The following MBOAT1 variants were observed in gnomAD, a reference collection of about 807,000 sequenced individuals.
MBOAT1 encodes membrane bound glycerophospholipid O-acyltransferase 1.
A neutral mutation model predicts 64.4 loss-of-function variants in MBOAT1; 67 were observed. That is an observed-to-expected ratio of 1.04 (90% confidence interval 0.85 to 1.27). The LOEUF (loss-of-function observed/expected upper bound fraction) is 1.27. Ranked by LOEUF, MBOAT1 falls within the 50% of genes most tolerant of loss-of-function variation. The pLI, the probability that MBOAT1 is intolerant of heterozygous loss-of-function variation, is 0.00. For missense variants in MBOAT1, 563 were observed against 604.6 expected (o/e 0.93, Z 0.72); for synonymous variants, 229 against 218.9 (o/e 1.05, Z -0.41).
Position 20,124,346 on chromosome 6 carries a change from C to A in MBOAT1, c.907+62G>T, listed in dbSNP as rs1057280551. Reference sequence around the variant, plus strand: ...GAAGTGATCCAAAACGTCGTTCTGGCTAAGCCATTCAAGCAGTAGCATTTT... The same window carrying A: ...GAAGTGATCCAAAACGTCGTTCTGGATAAGCCATTCAAGCAGTAGCATTTT... On this transcript the variant is annotated intron_variant, in intron 8 of 12. Transcript: ENST00000324607. The A allele has an allele frequency of 5.2e-6, 8 of 1,542,258 alleles. No individual in the cohort carries two copies. In the Admixed American group the frequency reaches 9.2e-5, roughly 18 times the overall value.
chr6:20,175,864 A>C (rs543363148), intron 1 of MBOAT1, among the ~76,000 whole-genome samples: 2 of 152,226 alleles, frequency 1.3e-5, no homozygotes, highest in Admixed American at 1.3e-4. Flanking sequence ...TTGGCCTCCC[A>C]AAGTGCTAGG....
chr6:20,188,907 C>A (rs533211506), intron 1 of MBOAT1, among the ~76,000 whole-genome samples: 2 of 152,168 alleles, frequency 1.3e-5, no homozygotes, highest in African/African-American at 4.8e-5. Context: ...AGAACTCAAC[C>A]AAGGACCCAT....
rs143096757 is a variant in MBOAT1 at position 20,146,100 on chromosome 6, A to G, written c.324-1785T>C. 2.2e-4 allele frequency among the ~76,000 whole-genome samples: 33 copies of G among 152,362 alleles called. No homozygotes were observed. In the East Asian group the frequency reaches 6.2e-3, roughly 28 times the overall value. On this transcript the variant is annotated intron_variant, in intron 3 of 12. Coordinates refer to ENST00000324607, the MANE Select transcript of MBOAT1 (RefSeq NM_001080480.3). The stretch of plus-strand genomic sequence containing the variant: ...TGTTAGTTGAAATGAACTGAAATGA[A>G]TACATTACACATTTTAAGTGGTTCC...
At chr6:20,139,406 A>G (rs1295291604) in intron 4 of MBOAT1, among the ~76,000 whole-genome samples, 7 of 152,066 alleles carry the variant, frequency 4.6e-5, no homozygotes, top group African/African-American at 1.4e-4. Context: ...GCCCCGCCCA[A>G]TGTGACCTCA....
chr6:20,129,628 G>T (rs764759349), intron 5 of MBOAT1, among the ~76,000 whole-genome samples: 1 of 151,352 alleles, frequency 6.6e-6, no homozygotes, highest in Non-Finnish European at 1.5e-5. Flanking sequence ...ATGGTAAACT[G>T]AGAATGCTTT....
rs756639798 is a variant in MBOAT1, at chr6:20,152,821, T to G, written c.100-52A>C. 3.2e-6 allele frequency: 5 copies of G among 1,539,740 alleles called. No individual in the cohort carries two copies. The African/African-American group carries it at 4.6e-5, about 14-fold the overall frequency. On this transcript the variant is annotated intron_variant, in intron 1 of 12. Coordinates refer to ENST00000324607, the MANE Select transcript of MBOAT1 (RefSeq NM_001080480.3). ...ACCTTTGTGTGAATTTCGTCTTGGTTTTTTTGTTTGTTTTGTTTTGTTTTG... is the reference window on the plus strand; with the variant it reads ...ACCTTTGTGTGAATTTCGTCTTGGTGTTTTTGTTTGTTTTGTTTTGTTTTG...
At chr6:20,193,647 A>G (rs1228770952) in intron 1 of MBOAT1, among the ~76,000 whole-genome samples, 1 of 143,500 alleles carries the variant, frequency 7.0e-6, no homozygotes, top group Non-Finnish European at 1.5e-5. Context: ...TCGCTCTGTC[A>G]CCAGGCTGGA....
At chr6:20,133,202 C>T (rs1246398446) in intron 4 of MBOAT1, among the ~76,000 whole-genome samples, 3 of 152,088 alleles carry the variant, frequency 2.0e-5, no homozygotes, top group South Asian at 2.1e-4. Flanking sequence ...AAAGAGAACT[C>T]GGCTGTGAAA....
chr6:20,139,898 T>C (rs971036189), intron 4 of MBOAT1, among the ~76,000 whole-genome samples: 3 of 152,136 alleles, frequency 2.0e-5, no homozygotes, highest in African/African-American at 7.2e-5. Flanking sequence ...AGACATTCAT[T>C]CTGCAGTCTT....
Position 20,101,886 on chromosome 6 carries a change from C to T in MBOAT1, c.*400G>A, listed in dbSNP as rs867310227. Among the ~76,000 whole-genome samples, 2 of 151,974 alleles carry T rather than the reference C, an allele frequency of 1.3e-5. No individual in the cohort carries two copies. Among genetic ancestry groups the T allele is most frequent in the Admixed American group, 6.5e-5 (1 of 15,270 alleles). On this transcript the variant is annotated 3_prime_UTR_variant, in exon 13 of 13. Transcript: ENST00000324607. ...ATCCCAGCACTTTGGGAGGCCGAGG[C>T]GGGCGGATCACGAGGTCAGGAGATC...
intron 1 of MBOAT1, 153 bp downstream of exon 1, chr6:20,211,983 C>A (rs1763437987): frequency 1.3e-5 from 8 of 606,074 alleles, no homozygotes; most frequent in African/African-American, 3.8e-5. Context: ...CACACACACA[C>A]ACACACACAC....
chr6:20,163,101 A>G (rs1444760086), intron 1 of MBOAT1, among the ~76,000 whole-genome samples: 1 of 152,186 alleles, frequency 6.6e-6, no homozygotes, highest in Non-Finnish European at 1.5e-5. Context: ...GTGGAAAACG[A>G]TTGTGCTGTC....
At chr6:20,178,486 T>C (rs755402114) in intron 1 of MBOAT1, among the ~76,000 whole-genome samples, 16 of 152,184 alleles carry the variant, frequency 1.1e-4, no homozygotes, top group Admixed American at 6.6e-5. Context: ...TCCTCTAAGC[T>C]GTCCCACAGA....
At chr6:20,204,690 C>T (rs1228192918) in intron 1 of MBOAT1, among the ~76,000 whole-genome samples, 4 of 152,000 alleles carry the variant, frequency 2.6e-5, no homozygotes, top group African/African-American at 9.7e-5. Context: ...TGTGCAGAGG[C>T]TGGAGGGTAT....
rs1174816793 is a variant in MBOAT1 at position 20,192,995 on chromosome 6, C to CTTTTTTTTTTTTTTTTTTTTTTTTTT, written c.99+19115_99+19140dup. Among the ~76,000 whole-genome samples the CTTTTTTTTTTTTTTTTTTTTTTTTTT allele has an allele frequency of 9.1e-5, 5 of 55,036 alleles. 2 individuals carry two copies. Among genetic ancestry groups the CTTTTTTTTTTTTTTTTTTTTTTTTTT allele is most frequent in the Non-Finnish European group, 1.7e-4 (5 of 29,078 alleles). 36.1% of individuals were successfully genotyped at this position (55,036 alleles called of 152,430 possible). A position where few individuals can be genotyped will look rare whatever the true frequency, so the allele number is the denominator to read the frequency against. ...TTATTCAGCTGGTATGCTATAATTT[C>CTTTTTTTTTTTTTTTTTTTTTTTTTT]TTTTTTTTTTTTTTTTTTTTTTTTT... On this transcript the variant is annotated intron_variant, in intron 1 of 12. Coordinates refer to ENST00000324607, the MANE Select transcript of MBOAT1 (RefSeq NM_001080480.3).
At chr6:20,109,533 C>T (rs1427652836) in intron 12 of MBOAT1, 65 bp downstream of exon 12, 2 of 1,560,318 alleles carry the variant, frequency 1.3e-6, no homozygotes, top group Non-Finnish European at 1.7e-6. Context: ...TTACTGCCTC[C>T]TAAGTCAAAC....
intron 1 of MBOAT1, among the ~76,000 whole-genome samples, chr6:20,154,653 C>G (rs1761623702): frequency 1.3e-5 from 2 of 152,208 alleles, no homozygotes; most frequent in Non-Finnish European, 2.9e-5. Context: ...TCTTGACAGA[C>G]AGAGAAGCGA....
chr6:20,147,950 A>G (rs1346096888), intron 3 of MBOAT1, among the ~76,000 whole-genome samples: 4 of 152,238 alleles, frequency 2.6e-5, no homozygotes. Flanking sequence ...TAACTGCATC[A>G]CCAAGTTCTC....
At chr6:20,191,232 C>T (rs1299311956) in intron 1 of MBOAT1, among the ~76,000 whole-genome samples, 2 of 152,170 alleles carry the variant, frequency 1.3e-5, no homozygotes, top group Non-Finnish European at 2.9e-5. Flanking sequence ...CACTCACTTC[C>T]ACCTTCTAAT....
Sources: allele counts gnomAD v4.1 joint callset (sites outside exome capture counted in the v4.1 genomes callset), GRCh38; gene constraint gnomAD v4.1.1; transcripts MANE v1.5; gene names NCBI Gene and HGNC (gene_info 2026-07-23, HGNC 2026-07-21).